CSMD1: variants seen among roughly 807,000 people sequenced by gnomAD.
The protein encoded by CSMD1 is CUB and sushi domain-containing protein 1.
Under a neutral mutation model 417.5 loss-of-function variants are expected in CSMD1, and 213 were observed. The ratio of observed to expected loss-of-function variants is 0.51; its 90% CI spans 0.46 to 0.57. CSMD1 has a LOEUF of 0.57. Among genes scored for constraint, CSMD1 ranks in the 20% least tolerant of loss-of-function variants. CSMD1 has a pLI of 0.00. For synonymous variants in CSMD1, 2,862 were observed against 1,736.8 expected (o/e 1.65, Z -16.11); for missense variants, 6,923 against 4,529.7 (o/e 1.53, Z -15.17).
intron 5 of CSMD1, among the ~76,000 whole-genome samples, chr8:3,977,722 G>C (rs62501202): frequency 6.6e-6 from 1 of 152,116 alleles, no homozygotes; most frequent in Non-Finnish European, 1.5e-5. Flanking sequence ...GCCTGGAAAT[G>C]AAATATTAAT....
chr8:3,369,416 T>G (rs1016754438), intron 18 of CSMD1, 46 bp from the exon 19 acceptor site: 5 of 908,900 alleles, frequency 5.5e-6, no homozygotes, highest in Admixed American at 4.2e-5. Flanking sequence ...AGTTTCACAA[T>G]GATTGCCAGA....
At chr8:3,330,650 G>A (rs532205245) in intron 23 of CSMD1, among the ~76,000 whole-genome samples, 1 of 152,254 alleles carries the variant, frequency 6.6e-6, no homozygotes, top group African/African-American at 2.4e-5. Context: ...ATGGGTACTA[G>A]GCTTAGTGCC....
At chr8:4,754,579 C>G (rs1367975701) in intron 1 of CSMD1, among the ~76,000 whole-genome samples, 1 of 151,582 alleles carries the variant, frequency 6.6e-6, no homozygotes, top group Non-Finnish European at 1.5e-5. Context: ...GGGCCAGGCG[C>G]AGTGGCTCAT....
intron 41 of CSMD1, among the ~76,000 whole-genome samples, chr8:3,138,034 G>A (rs930297251): frequency 6.6e-6 from 1 of 152,140 alleles, no homozygotes; most frequent in Non-Finnish European, 1.5e-5. Context: ...AGACCAACCT[G>A]GCCAACATGG....
At chr8:4,576,828 CTA>C (rs1799160288) in intron 2 of CSMD1, among the ~76,000 whole-genome samples, 1 of 150,224 alleles carries the variant, frequency 6.7e-6, no homozygotes, top group South Asian at 2.1e-4. Context: ...TTAAAACAAA[CTA>C]TTTTAATTTC....
rs373500801 is a variant in CSMD1, at chr8:4,131,439, G to T, written c.416-99340C>A. Among the ~76,000 whole-genome samples the T allele has an allele frequency of 4.6e-5, 7 of 152,184 alleles. No individual in the cohort carries two copies. In the South Asian group the frequency reaches 1.2e-3, roughly 27 times the overall value. Reference sequence around the variant, plus strand: ...CACCTCTCTCTCAACTACCCCTGAGGTCAAATATACGATTAAACTTCTTAA... The same window carrying T: ...CACCTCTCTCTCAACTACCCCTGAGTTCAAATATACGATTAAACTTCTTAA... On this transcript the variant is annotated intron_variant, in intron 3 of 69. Transcript: ENST00000635120.
At chr8:4,802,771 T>C (rs1798373220) in intron 1 of CSMD1, among the ~76,000 whole-genome samples, 1 of 152,346 alleles carries the variant, frequency 6.6e-6, no homozygotes, top group East Asian at 1.9e-4. Context: ...ATACTCATTC[T>C]CGCTTCCTGA....
chr8:4,912,876 C>T (rs1314480748), intron 1 of CSMD1, among the ~76,000 whole-genome samples: 1 of 152,092 alleles, frequency 6.6e-6, no homozygotes, highest in Non-Finnish European at 1.5e-5. Flanking sequence ...ACCTCCACCT[C>T]CTGGGTTCAA....
intron 2 of CSMD1, among the ~76,000 whole-genome samples, chr8:4,465,206 A>G (rs930160442): frequency 6.6e-6 from 1 of 152,178 alleles, no homozygotes; most frequent in Admixed American, 6.5e-5. Context: ...GGAGGATGCC[A>G]CATAAAGTAT....
rs373122633 is a variant in CSMD1 at position 3,292,215 on chromosome 8, T to C, written c.3951-7869A>G. ...GACAGTTTGTTGTAATTTCTGTTCC[T>C]TTACATTTGCTGAGGAGTGCTTTAC... is the stretch of plus-strand genomic sequence containing the variant. On this transcript the variant is annotated intron_variant, in intron 25 of 69. Transcript: ENST00000635120. 5.9e-5 allele frequency among the ~76,000 whole-genome samples: 9 copies of C among 152,372 alleles called. No homozygotes were observed. In the South Asian group the frequency reaches 6.2e-4, roughly 11 times the overall value.
intron 6 of CSMD1, among the ~76,000 whole-genome samples, chr8:3,715,446 GATC>G (rs1334348217): frequency 1.3e-5 from 2 of 152,130 alleles, no homozygotes; most frequent in African/African-American, 2.4e-5. Flanking sequence ...TCTTCTGCAT[GATC>G]ATTTTTTCTT....
chr8:4,315,022 T>A (rs995579904), intron 3 of CSMD1, among the ~76,000 whole-genome samples: 2 of 151,864 alleles, frequency 1.3e-5, no homozygotes, highest in African/African-American at 4.8e-5. Flanking sequence ...AGAAAAGAGG[T>A]CCCTCTTCTA....
intron 3 of CSMD1, among the ~76,000 whole-genome samples, chr8:4,041,599 A>C (rs2130638337): frequency 6.6e-6 from 1 of 152,272 alleles, no homozygotes; most frequent in Admixed American, 6.5e-5. Context: ...TCCAATCAAA[A>C]AGTAATAAGC....
intron 1 of CSMD1, among the ~76,000 whole-genome samples, chr8:4,655,957 A>T (rs1804202763): frequency 6.6e-6 from 1 of 152,150 alleles, no homozygotes; most frequent in South Asian, 2.1e-4. Context: ...TGCTCCCTGG[A>T]GTTCCATGTT....
At chr8:3,427,591 C>G (rs1190918788) in intron 12 of CSMD1, among the ~76,000 whole-genome samples, 1 of 152,076 alleles carries the variant, frequency 6.6e-6, no homozygotes, top group Non-Finnish European at 1.5e-5. Context: ...AGATATGAAA[C>G]AATCTATTTG....
chr8:4,927,123 T>C (rs1422497785), intron 1 of CSMD1, among the ~76,000 whole-genome samples: 1 of 148,360 alleles, frequency 6.7e-6, no homozygotes, highest in Non-Finnish European at 1.5e-5. Flanking sequence ...TTATTATTAT[T>C]AAGATAGACA....
intron 1 of CSMD1, among the ~76,000 whole-genome samples, chr8:4,920,653 A>G (rs895684075): frequency 5.9e-5 from 9 of 151,758 alleles, no homozygotes; most frequent in African/African-American, 1.2e-4. Context: ...GAAACCCTGT[A>G]TTTAGTAAAT....
chr8:3,926,854 T>G (rs1029736316), intron 5 of CSMD1, among the ~76,000 whole-genome samples: 1 of 151,344 alleles, frequency 6.6e-6, no homozygotes, highest in African/African-American at 2.4e-5. Flanking sequence ...TAGCTGGGAT[T>G]ACAGGCATGT....
chr8:3,302,252 C>T (rs1296575925), intron 25 of CSMD1, among the ~76,000 whole-genome samples: 3 of 152,170 alleles, frequency 2.0e-5, no homozygotes, highest in East Asian at 1.9e-4. Context: ...ATCTCTTGTG[C>T]TTTTCAGATC....
Sources: gnomAD v4.1 joint callset for allele counts (sites outside exome capture counted in the v4.1 genomes callset) on GRCh38, gnomAD v4.1.1 for gene constraint, MANE v1.5 for transcripts, NCBI Gene and HGNC (gene_info 2026-07-23, HGNC 2026-07-21) for gene names.